TNFRSF13B: variants seen among roughly 807,000 people sequenced by gnomAD.
The protein encoded by TNFRSF13B is tumor necrosis factor receptor superfamily member 13B.
A neutral mutation model predicts 24.0 loss-of-function variants in TNFRSF13B; 34 were observed. The ratio of observed to expected loss-of-function variants is 1.41; its 90% CI spans 1.08 to 1.88. TNFRSF13B has a LOEUF of 1.88. TNFRSF13B is among the 40% of genes most tolerant of loss of function. The pLI is 0.00. For missense variants in TNFRSF13B, 415 were observed against 380.8 expected, an observed-to-expected ratio of 1.09 and a Z score of -0.75; for synonymous variants, 173 against 150.3, an observed-to-expected ratio of 1.15 and a Z score of -1.10.
At chr17:16,971,921 TG>T (rs1318436121) in intron 1 of TNFRSF13B, 93 bp downstream of exon 1, 27 of 1,296,832 alleles carry the variant, frequency 2.1e-5, no homozygotes, top group Non-Finnish European at 2.8e-5. Flanking sequence ...CTGTGGGCTT[TG>T]CACCTGCTGG....
Position 16,948,822 on chromosome 17 carries a change from G to C in TNFRSF13B, c.361C>G (p.Gln121Glu). The C allele has an allele frequency of 3.1e-6, 5 of 1,614,206 alleles. No individual in the cohort carries two copies. Among genetic ancestry groups the C allele is most frequent in the Non-Finnish European group, 4.2e-6 (5 of 1,180,044 alleles). Residue 121 changes from glutamine (Q) to glutamate (E), a missense_variant, in exon 3 of 5, where the codon CAG becomes GAG. Coordinates refer to ENST00000261652, the MANE Select transcript of TNFRSF13B (RefSeq NM_012452.3). ...TTGTTTTCAACTTCTCCACTCCGCT[G>C]TCTCCTGAGCTCTGGTGGAAGGTTC... ...PVNLPPELRRQRSGEVENNSD... is the reference protein window; with the variant it reads ...PVNLPPELRRERSGEVENNSD...
At chr17:16,952,656 G>A (rs2087598119) in intron 1 of TNFRSF13B, 73 bp from the exon 2 acceptor site, 2 of 1,607,372 alleles carry the variant, frequency 1.2e-6, no homozygotes, top group Admixed American at 3.4e-5. Flanking sequence ...TGGGAACCAA[G>A]ACGGCCTCTC....
chr17:16,957,252 G>T (rs1473182269), intron 1 of TNFRSF13B, among the ~76,000 whole-genome samples: 1 of 150,478 alleles, frequency 6.6e-6, no homozygotes, highest in Admixed American at 6.6e-5. Flanking sequence ...GAACCTTAAT[G>T]GAAGGGAACT....
intron 1 of TNFRSF13B, among the ~76,000 whole-genome samples, chr17:16,958,921 A>G (rs979546591): frequency 5.9e-5 from 9 of 152,042 alleles, no homozygotes; most frequent in African/African-American, 1.9e-4. Flanking sequence ...AGACACATAA[A>G]TAAGAAAATA....
chr17:16,947,794 C>G (rs926363093), intron 3 of TNFRSF13B, among the ~76,000 whole-genome samples: 1 of 152,198 alleles, frequency 6.6e-6, no homozygotes, highest in Non-Finnish European at 1.5e-5. Context: ...TTTGGAGATT[C>G]CTCAGAGGAC....
chr17:16,964,792 G>A (rs759410058), intron 1 of TNFRSF13B, among the ~76,000 whole-genome samples: 37 of 152,062 alleles, frequency 2.4e-4, no homozygotes, highest in African/African-American at 5.6e-4. Flanking sequence ...AAACGGATTC[G>A]CCATGGTTCA....
intron 3 of TNFRSF13B, among the ~76,000 whole-genome samples, chr17:16,943,428 G>A (rs985177710): frequency 2.6e-5 from 4 of 152,150 alleles, no homozygotes; most frequent in African/African-American, 7.2e-5. Flanking sequence ...TTCCATGGCT[G>A]ATCACATGCC....
Position 16,941,499 on chromosome 17 carries a change from C to T in TNFRSF13B, c.446-988G>A, listed in dbSNP as rs1487109485. The T allele has an allele frequency of 5.1e-6, 5 of 987,516 alleles. No homozygotes were observed. In the South Asian group the frequency reaches 1.4e-4, roughly 28 times the overall value. The allele number at this position is 987,516 out of a possible 1,614,324, so 61.2% of individuals were successfully genotyped here. On this transcript the variant is annotated intron_variant, in intron 3 of 4. Transcript: ENST00000261652. ...GGCGCTGGGTGGAAAGACAGATGAG[C>T]CAGATTTAAGATGACACGTCAAGAA...
intron 3 of TNFRSF13B, among the ~76,000 whole-genome samples, chr17:16,946,459 C>A (rs2087548346): frequency 6.6e-6 from 1 of 152,202 alleles, no homozygotes; most frequent in South Asian, 2.1e-4. Flanking sequence ...TTTCTGATGC[C>A]TGGCACTTAC....
intron 3 of TNFRSF13B, among the ~76,000 whole-genome samples, chr17:16,944,610 G>A (rs2087534490): frequency 6.6e-6 from 1 of 152,170 alleles, no homozygotes; most frequent in Non-Finnish European, 1.5e-5. Context: ...TGCACTGAGA[G>A]GAATTTGTCA....
At chr17:16,940,596 C>G in intron 3 of TNFRSF13B, 85 bp from the exon 4 acceptor site, 1 of 1,546,398 alleles carries the variant, frequency 6.5e-7, no homozygotes, top group Non-Finnish European at 8.7e-7. Context: ...CCCCCATCCC[C>G]CTGCTGTGAG....
chr17:16,944,562 G>C (rs551259720), intron 3 of TNFRSF13B, among the ~76,000 whole-genome samples: 2 of 152,280 alleles, frequency 1.3e-5, no homozygotes, highest in African/African-American at 4.8e-5. Context: ...AGCCTTCCTT[G>C]TCCCCGTGTC....
intron 2 of TNFRSF13B, 67 bp from the exon 3 acceptor site, chr17:16,949,050 A>G (rs1298738019): frequency 6.2e-7 from 1 of 1,600,070 alleles, no homozygotes; most frequent in African/African-American, 1.3e-5. Flanking sequence ...GTTTGACCAC[A>G]AAGGACATCA....
intron 3 of TNFRSF13B, among the ~76,000 whole-genome samples, chr17:16,943,513 A>G (rs1403946517): frequency 1.3e-5 from 2 of 151,858 alleles, no homozygotes; most frequent in Non-Finnish European, 2.9e-5. Context: ...TCTGGTTCCT[A>G]TTATTGCCAG....
chr17:16,948,713 T>C lies in TNFRSF13B; in HGVS notation c.445+25A>G, dbSNP rs2274892. On this transcript the variant is annotated intron_variant, in intron 3 of 4. Coordinates refer to ENST00000261652, the MANE Select transcript of TNFRSF13B (RefSeq NM_012452.3). The stretch of plus-strand genomic sequence containing the variant: ...CGCTTTCTCACCCTGCGTGACACCA[T>C]GCAGGTTTGCCTTGGGTGGCTTACC... 4 of 1,612,904 alleles carry C rather than the reference T, an allele frequency of 2.5e-6. No homozygotes were observed. The South Asian group carries it at 4.4e-5, about 18-fold the overall frequency.
chr17:16,968,159 A>AAAAAAAAAAAAAG (rs2087718997), intron 1 of TNFRSF13B, among the ~76,000 whole-genome samples: 1 of 150,434 alleles, frequency 6.6e-6, no homozygotes, highest in African/African-American at 2.5e-5. Flanking sequence ...AAAAAAAAGA[A>AAAAAAAAAAAAAG]AAAAGAAAGG....
Position 16,949,065 on chromosome 17 carries a change from T to TA in TNFRSF13B, c.200-83dup, listed in dbSNP as rs67234667. Reference sequence around the variant, plus strand: ...GTTTGACCACAAAGGACATCAAAGTTAAAAAAAAAAATACAGTAAAATTCC... The same window carrying TA: ...GTTTGACCACAAAGGACATCAAAGTTAAAAAAAAAAAATACAGTAAAATTCC... On this transcript the variant is annotated intron_variant, in intron 2 of 4. Transcript: ENST00000261652. The TA allele has an allele frequency of 7.1e-3, 9,169 of 1,289,172 alleles. 2 individuals carry two copies. Among genetic ancestry groups the TA allele is most frequent in the East Asian group, 0.014 (472 of 34,140 alleles). The allele number at this position is 1,289,172 out of a possible 1,614,324, so 79.9% of individuals were successfully genotyped here. A position where few individuals can be genotyped will look rare whatever the true frequency, so the allele number is the denominator to read the frequency against.
intron 1 of TNFRSF13B, among the ~76,000 whole-genome samples, chr17:16,966,127 G>A (rs1361901171): frequency 6.6e-6 from 1 of 151,782 alleles, no homozygotes; most frequent in African/African-American, 2.4e-5. Context: ...GGTGGTGTGC[G>A]CCTGTAATCC....
chr17:16,972,050 C>T lies in TNFRSF13B; in HGVS notation c.26G>A (p.Arg9Gln), dbSNP rs772399974. 29 of 1,613,984 alleles carry T rather than the reference C, an allele frequency of 1.8e-5. No homozygotes were observed. Among genetic ancestry groups the T allele is most frequent in the Admixed American group, 1.0e-4 (6 of 60,014 alleles). The change falls in exon 1 of 5, where the codon CGA becomes CAA. Residue 9 changes from arginine to glutamine, a missense_variant. Transcript: ENST00000261652. ...CTGGTCCACACGGCTCCGGCCACCT[C>T]GCCTGCTCCGGCCCAGGCCACTCAT... is the stretch of plus-strand genomic sequence containing the variant. MSGLGRSR[R>Q]GGRSRVDQEE...
Sources: allele counts gnomAD v4.1 joint callset (sites outside exome capture counted in the v4.1 genomes callset), GRCh38; gene constraint gnomAD v4.1.1; transcripts MANE v1.5; gene names NCBI Gene and HGNC (gene_info 2026-07-23, HGNC 2026-07-21).